The following PNPLA8 variants were observed in gnomAD, a reference collection of about 807,000 sequenced individuals.
PNPLA8 encodes calcium-independent phospholipase A2-gamma.
Under a neutral mutation model 76.9 loss-of-function variants are expected in PNPLA8, and 39 were observed. That is an observed-to-expected ratio of 0.51 (90% CI 0.39 to 0.66). PNPLA8 has a LOEUF of 0.66. Ranked by LOEUF, PNPLA8 falls within the 30% of genes least tolerant of loss-of-function variation. The pLI is 0.00. For missense variants in PNPLA8, 887 were observed against 918.0 expected, an observed-to-expected ratio of 0.97 and a Z score of 0.44; for synonymous variants, 301 against 307.9, an observed-to-expected ratio of 0.98 and a Z score of 0.24.
intron 5 of PNPLA8, among the ~76,000 whole-genome samples, chr7:108,501,833 A>G (rs986647028): frequency 3.9e-5 from 6 of 152,160 alleles, no homozygotes; most frequent in African/African-American, 1.2e-4. Flanking sequence ...CCAAAAAAAT[A>G]AAATAATAAA....
chr7:108,519,238 T>A (rs912181223), intron 2 of PNPLA8, among the ~76,000 whole-genome samples: 1 of 151,350 alleles, frequency 6.6e-6, no homozygotes, highest in African/African-American at 2.4e-5. Context: ...TAAAAAAAAA[T>A]AAATAAAACA....
rs575547249 is a variant in PNPLA8 at position 108,514,510 on chromosome 7, C to T, written c.982G>A (p.Ala328Thr). 7 of 1,613,924 alleles carry T rather than the reference C, an allele frequency of 4.3e-6. No homozygotes were observed. Among genetic ancestry groups the T allele is most frequent in the Admixed American group, 1.7e-5 (1 of 60,016 alleles). ...KSQSEEQEEP[A>T]KTDQAVSKDR... is the part of the protein sequence containing the mutation. ...TTGCTGACAGCCTGATCAGTTTTAG[C>T]AGGCTCTTCCTGTTCTTCTGACTGA... Residue 328 changes from alanine (A) to threonine (T), a missense_variant, in exon 3 of 11, where the codon GCT (alanine) becomes ACT (threonine). By Grantham distance (58) the Ala-to-Thr change is moderately conservative (BLOSUM62 0). Transcript: ENST00000257694.
chr7:108,518,571 T>C (rs1863503615), intron 2 of PNPLA8, among the ~76,000 whole-genome samples: 1 of 151,896 alleles, frequency 6.6e-6, no homozygotes, highest in Non-Finnish European at 1.5e-5. Context: ...GTGATGCCGA[T>C]AATGGAGGTG....
At chr7:108,518,720 A>AATATATATATAT (rs148834592) in intron 2 of PNPLA8, among the ~76,000 whole-genome samples, 3 of 123,952 alleles carry the variant, frequency 2.4e-5, no homozygotes, top group Admixed American at 8.7e-5. Flanking sequence ...TATGCACATG[A>AATATATATATAT]ATATATATAT....
intron 9 of PNPLA8, among the ~76,000 whole-genome samples, chr7:108,487,139 G>C (rs1388994858): frequency 6.6e-6 from 1 of 152,124 alleles, no homozygotes; most frequent in South Asian, 2.1e-4. Context: ...TTTACAGCTA[G>C]TGTACACATG....
At chr7:108,526,556 C>G (rs1292935915), upstream of PNPLA8, among the ~76,000 whole-genome samples, 4 of 152,254 alleles carry the variant, frequency 2.6e-5, no homozygotes, top group Admixed American at 1.3e-4. Flanking sequence ...GTCCCTGAAG[C>G]CCCTGCCTGC....
intron 9 of PNPLA8, 86 bp downstream of exon 9, chr7:108,487,673 C>A: frequency 1.4e-6 from 1 of 722,118 alleles, no homozygotes; most frequent in South Asian, 2.4e-5. Context: ...CTAGGTTGAT[C>A]CTTCTGAAGA....
chr7:108,497,243 C>G (rs186553357), intron 6 of PNPLA8, among the ~76,000 whole-genome samples: 2 of 152,130 alleles, frequency 1.3e-5, no homozygotes, highest in Non-Finnish European at 2.9e-5. Context: ...ATATTAGGTA[C>G]TCTTGGATGT....
At chr7:108,495,389 G>C (rs1861477531) in intron 7 of PNPLA8, among the ~76,000 whole-genome samples, 2 of 152,110 alleles carry the variant, frequency 1.3e-5, no homozygotes, top group Non-Finnish European at 2.9e-5. Context: ...AATATTAACT[G>C]ACATAGGAAA....
intron 2 of PNPLA8, among the ~76,000 whole-genome samples, chr7:108,518,758 T>TACAC (rs149337584): frequency 6.0e-4 from 74 of 123,048 alleles, no homozygotes; most frequent in African/African-American, 1.6e-3. Context: ...TATATATATA[T>TACAC]ACACACACAC....
intron 5 of PNPLA8, among the ~76,000 whole-genome samples, chr7:108,500,735 C>G (rs573370433): frequency 5.3e-5 from 8 of 152,180 alleles, no homozygotes; most frequent in African/African-American, 1.9e-4. Flanking sequence ...CATGGTGAAA[C>G]CCCGTCTCTA....
At chr7:108,506,606 C>G (rs1335422417) in intron 4 of PNPLA8, among the ~76,000 whole-genome samples, 1 of 151,950 alleles carries the variant, frequency 6.6e-6, no homozygotes, top group African/African-American at 2.4e-5. Context: ...AGTACTACTA[C>G]TAAATATTCC....
chr7:108,474,132 T>C (rs1216692583), intron 10 of PNPLA8, among the ~76,000 whole-genome samples: 8 of 152,234 alleles, frequency 5.3e-5, no homozygotes, highest in South Asian at 4.1e-4. Flanking sequence ...TTTCATTTTA[T>C]AAAAAGTACC....
chr7:108,479,985 A>C (rs570345147), intron 9 of PNPLA8, among the ~76,000 whole-genome samples: 1 of 152,362 alleles, frequency 6.6e-6, no homozygotes, highest in Admixed American at 6.5e-5. Flanking sequence ...GAGTAAAAGT[A>C]GATAAAATTA....
intron 4 of PNPLA8, among the ~76,000 whole-genome samples, chr7:108,508,854 C>A (rs556277997): frequency 5.8e-4 from 83 of 142,722 alleles, no homozygotes; most frequent in African/African-American, 2.1e-3. Context: ...CAGAACAGAG[C>A]CCTCAGAAAT....
intron 10 of PNPLA8, among the ~76,000 whole-genome samples, chr7:108,475,418 C>T (rs1598860396): frequency 1.3e-5 from 2 of 152,178 alleles, no homozygotes; most frequent in South Asian, 2.1e-4. Context: ...TTTGCATATC[C>T]ATATACATTT....
chr7:108,474,638 C>T (rs879697797), intron 10 of PNPLA8, among the ~76,000 whole-genome samples: 8 of 152,186 alleles, frequency 5.3e-5, no homozygotes, highest in East Asian at 3.8e-4. Flanking sequence ...TCAAGGTCAA[C>T]GCTGTGGATA....
intron 9 of PNPLA8, chr7:108,479,644 C>A: frequency 4.4e-6 from 2 of 453,464 alleles, no homozygotes; most frequent in Non-Finnish European, 8.1e-6. Context: ...TTGAAATGAA[C>A]GAAATTACTT....
At chr7:108,487,519 A>G (rs1860823210) in intron 9 of PNPLA8, among the ~76,000 whole-genome samples, 1 of 152,196 alleles carries the variant, frequency 6.6e-6, no homozygotes, top group South Asian at 2.1e-4. Flanking sequence ...AATTATCATA[A>G]TGGGCTACGA....
Sources: gnomAD v4.1 joint callset for allele counts (sites outside exome capture counted in the v4.1 genomes callset) on GRCh38, gnomAD v4.1.1 for gene constraint, MANE v1.5 for transcripts, NCBI Gene and HGNC (gene_info 2026-07-23, HGNC 2026-07-21) for gene names.